Variants in KLF17 observed in about 807,000 individuals in gnomAD.
KLF17 encodes the protein Krueppel-like factor 17.
Under a neutral mutation model 34.2 loss-of-function variants are expected in KLF17, and 31 were observed. The observed-to-expected ratio is 0.91, with a 90% confidence interval of 0.68 to 1.22. KLF17 has a LOEUF of 1.22. Ranked by LOEUF, KLF17 falls within the 50% of genes most tolerant of loss-of-function variation. The pLI, the probability that KLF17 is intolerant of heterozygous loss-of-function variation, is 0.00. For missense variants in KLF17, 478 were observed against 505.2 expected (o/e 0.95, Z 0.52); for synonymous variants, 179 against 186.7 (o/e 0.96, Z 0.34).
chr1:44,091,129 T>C, the KLF17 span, among the ~76,000 whole-genome samples: 2 of 152,196 alleles, frequency 1.3e-5, no homozygotes, highest in Non-Finnish European at 2.9e-5. Context: ...TAAAAAGTAT[T>C]TTAGGAATTA....
the KLF17 span, among the ~76,000 whole-genome samples, chr1:44,065,371 A>G: frequency 6.6e-6 from 1 of 151,252 alleles, no homozygotes; most frequent in Non-Finnish European, 1.5e-5. Context: ...TGTCGGCATA[A>G]TAGTATTCAT....
At chr1:44,091,827 C>T in the KLF17 span, among the ~76,000 whole-genome samples, 1 of 150,276 alleles carries the variant, frequency 6.7e-6, no homozygotes, top group African/African-American at 2.4e-5. Context: ...GTATTCATTG[C>T]TTGAGCCTAG....
chr1:44,061,705 G>A, the KLF17 span, among the ~76,000 whole-genome samples: 1 of 152,296 alleles, frequency 6.6e-6, no homozygotes, highest in Non-Finnish European at 1.5e-5. Context: ...ATCACTTGAG[G>A]TAAGGAGTTC....
chr1:44,068,990 C>T, the KLF17 span, among the ~76,000 whole-genome samples: 1 of 152,278 alleles, frequency 6.6e-6, no homozygotes, highest in East Asian at 1.9e-4. Context: ...ATTTATTCCC[C>T]TCCCCCAGCC....
chr1:44,122,411 G>A, intron 1 of KLF17: 1 of 1,559,392 alleles, frequency 6.4e-7, no homozygotes, highest in Non-Finnish European at 8.8e-7. Context: ...TATTCATGCT[G>A]ACATCCACAC....
At chr1:44,057,791 G>A in the KLF17 span, among the ~76,000 whole-genome samples, 1 of 152,134 alleles carries the variant, frequency 6.6e-6, no homozygotes, top group Admixed American at 6.6e-5. Flanking sequence ...AATTATTCCA[G>A]ACTGTAAAGT....
chr1:44,087,724 TTATATATATA>T, the KLF17 span, among the ~76,000 whole-genome samples: 260 of 75,566 alleles, frequency 3.4e-3, 2 homozygotes, highest in East Asian at 5.5e-3. Flanking sequence ...CCTATATATT[TTATATATATA>T]TATATATATA....
the KLF17 span, among the ~76,000 whole-genome samples, chr1:44,069,191 A>G: frequency 6.6e-6 from 1 of 152,114 alleles, no homozygotes; most frequent in Non-Finnish European, 1.5e-5. This position sits in a 1 kb window ranked among gnomAD's most constrained non-coding sequence, Gnocchi z 4.7. Flanking sequence ...CCCTGGCAGG[A>G]TAGGGGTGGG....
At chr1:44,048,718 G>A in the KLF17 span, among the ~76,000 whole-genome samples, 5 of 152,278 alleles carry the variant, frequency 3.3e-5, no homozygotes, top group East Asian at 5.8e-4. Context: ...AATTTTCTGT[G>A]TGTTTGACTG....
rs199558253 is a variant in KLF17, at chr1:44,123,915, C to CTT, written c.81+4937_81+4938dup. Among the ~76,000 whole-genome samples, 15 of 145,556 alleles carry CTT rather than the reference C, an allele frequency of 1.0e-4. No individual in the cohort carries two copies. In the East Asian group the frequency reaches 3.0e-3, roughly 29 times the overall value. On this transcript the variant is annotated intron_variant, in intron 1 of 3. Coordinates refer to ENST00000372299, the MANE Select transcript of KLF17 (RefSeq NM_173484.4). ...TCAGAGAAGATACTTTGTATGATACCTTTTTTTTTTTATTTTTTTCTAAAA... is the reference window on the plus strand; with the variant it reads ...TCAGAGAAGATACTTTGTATGATACCTTTTTTTTTTTTTATTTTTTTCTAAAA...
upstream of KLF17, among the ~76,000 whole-genome samples, chr1:44,118,278 C>T (rs780559393): frequency 2.0e-5 from 3 of 152,202 alleles, no homozygotes; most frequent in Non-Finnish European, 2.9e-5. Flanking sequence ...ACCCCTAGTT[C>T]AGAGATCAGT....
At chr1:44,062,655 G>T in the KLF17 span, among the ~76,000 whole-genome samples, 1 of 150,596 alleles carries the variant, frequency 6.6e-6, no homozygotes, top group Non-Finnish European at 1.5e-5. Flanking sequence ...GTTCGAGGCC[G>T]CAGTGATCCA....
intron 1 of KLF17, chr1:44,122,410 T>C (rs1173314680): frequency 1.3e-6 from 2 of 1,563,586 alleles, no homozygotes; most frequent in Admixed American, 1.7e-5. Flanking sequence ...GTATTCATGC[T>C]GACATCCACA....
the KLF17 span, chr1:44,105,151 G>A: frequency 6.6e-6 from 1 of 152,122 alleles, no homozygotes; most frequent in African/African-American, 2.4e-5. Flanking sequence ...GTTGAGAGAT[G>A]TGTATATAAG....
chr1:44,064,635 A>G, the KLF17 span, among the ~76,000 whole-genome samples: 1 of 152,200 alleles, frequency 6.6e-6, no homozygotes, highest in African/African-American at 2.4e-5. Context: ...GATTTTTGTC[A>G]TATCTGATCA....
the KLF17 span, among the ~76,000 whole-genome samples, chr1:44,060,501 A>G: frequency 0.63 from 94,999 of 151,864 alleles, 29,799 homozygotes; most frequent in South Asian, 0.71. Context: ...AGAGATGAAC[A>G]TATGTTGGCC....
the KLF17 span, among the ~76,000 whole-genome samples, chr1:44,073,893 T>C: frequency 1.3e-5 from 2 of 152,214 alleles, no homozygotes; most frequent in Non-Finnish European, 1.5e-5. Context: ...CATTATAATA[T>C]AACAAATTTA....
chr1:44,044,370 G>A, the KLF17 span, among the ~76,000 whole-genome samples: 3 of 152,230 alleles, frequency 2.0e-5, no homozygotes, highest in Non-Finnish European at 4.4e-5. Flanking sequence ...TGAGGGACAT[G>A]GGGTTATTTG....
chr1:44,079,991 T>A, the KLF17 span, among the ~76,000 whole-genome samples: 1 of 150,876 alleles, frequency 6.6e-6, no homozygotes, highest in Non-Finnish European at 1.5e-5. Context: ...TGCAGTGGCG[T>A]GATCTCGGCT....
Sources: gnomAD v4.1 joint callset for allele counts (sites outside exome capture counted in the v4.1 genomes callset) on GRCh38, gnomAD v4.1.1 for gene constraint, Gnocchi (gnomAD v3.1) non-coding constraint, MANE v1.5 for transcripts, NCBI Gene and HGNC (gene_info 2026-07-23, HGNC 2026-07-21) for gene names.